SAMM50: variants seen among roughly 807,000 people sequenced by gnomAD.
SAMM50 encodes the protein SAMM50 sorting and assembly machinery component, also known as sorting and assembly machinery component 50 homolog.
In SAMM50, 47 loss-of-function variants were observed where a neutral mutation model predicts 66.9. That is an observed-to-expected ratio of 0.70 (90% CI 0.56 to 0.90). The LOEUF is 0.90. Ranked by LOEUF, SAMM50 falls within the 40% of genes least tolerant of loss-of-function variation. SAMM50 has a pLI of 0.00. For missense variants in SAMM50, 535 were observed against 595.3 expected (o/e 0.90, Z 1.05); for synonymous variants, 191 against 214.1 (o/e 0.89, Z 0.94).
chr22:43,981,551 T>C, intron 11 of SAMM50, 90 bp downstream of exon 11: 3 of 906,078 alleles, frequency 3.3e-6, no homozygotes, highest in Non-Finnish European at 5.4e-6. Context: ...GAGAAGTTTA[T>C]TTAGGAGAGC....
At chr22:43,969,087 A>G (rs1236812011) in intron 4 of SAMM50, among the ~76,000 whole-genome samples, 2 of 152,182 alleles carry the variant, frequency 1.3e-5, no homozygotes, top group Non-Finnish European at 2.9e-5. Context: ...CCTCCTGAGT[A>G]GCTGGGCTTA....
intron 4 of SAMM50, among the ~76,000 whole-genome samples, chr22:43,970,605 T>A (rs1405588253): frequency 6.6e-6 from 1 of 152,102 alleles, no homozygotes; most frequent in East Asian, 1.9e-4. Context: ...TAATAATTGG[T>A]GTATGGGTTT....
chr22:43,964,616 C>A, intron 3 of SAMM50, 63 bp downstream of exon 3: 1 of 898,864 alleles, frequency 1.1e-6, no homozygotes, highest in African/African-American at 1.6e-5. Flanking sequence ...TAAATGTCCC[C>A]ATGTGAAACC....
intron 3 of SAMM50, among the ~76,000 whole-genome samples, chr22:43,967,663 C>T (rs146859650): frequency 4.6e-5 from 7 of 152,216 alleles, no homozygotes; most frequent in Non-Finnish European, 5.9e-5. Context: ...CCGCATTCGT[C>T]TGTGTGATCC....
Position 43,987,257 on chromosome 22 carries a change from G to GC in SAMM50, c.1076-1850dup, listed in dbSNP as rs1178220447. ...ATTGTTAATAATACTATTAATGATA[G>GC]CCCCAAGCTGGAAACTGGAAACCGA... On this transcript the variant is annotated intron_variant, in intron 12 of 14. Coordinates refer to ENST00000350028, the MANE Select transcript of SAMM50 (RefSeq NM_015380.5). 7 of 152,268 alleles carry GC rather than the reference G, an allele frequency of 4.6e-5. No individual in the cohort carries two copies. In the East Asian group the frequency reaches 1.4e-3, roughly 29 times the overall value. 9.4% of individuals were successfully genotyped at this position (152,268 alleles called of 1,614,324 possible).
At chr22:43,984,448 G>A (rs911650121) in intron 12 of SAMM50, among the ~76,000 whole-genome samples, 1 of 151,524 alleles carries the variant, frequency 6.6e-6, no homozygotes, top group Non-Finnish European at 1.5e-5. Context: ...AAGTAGCTGG[G>A]ATTACAGGCA....
chr22:43,976,620 G>A (rs1053102947), intron 8 of SAMM50, 130 bp from the exon 9 acceptor site: 1 of 706,862 alleles, frequency 1.4e-6, no homozygotes, highest in African/African-American at 1.8e-5. Flanking sequence ...TTCCTCCAAG[G>A]GCTCTGTGAA....
At chr22:43,961,608 C>T (rs946595680) in intron 1 of SAMM50, among the ~76,000 whole-genome samples, 5 of 152,116 alleles carry the variant, frequency 3.3e-5, no homozygotes, top group Admixed American at 3.3e-4. Flanking sequence ...CACCACCACA[C>T]CTGGCTAAGT....
At chr22:43,975,818 A>C in intron 7 of SAMM50, 1 of 472,220 alleles carries the variant, frequency 2.1e-6, no homozygotes, top group Non-Finnish European at 3.9e-6. Context: ...CAGTCCTGCT[A>C]CTTAGAGCAG....
At chr22:43,967,957 C>T (rs1029476602) in intron 3 of SAMM50, among the ~76,000 whole-genome samples, 2 of 152,116 alleles carry the variant, frequency 1.3e-5, no homozygotes, top group African/African-American at 4.8e-5. Flanking sequence ...CGTGGTGGCT[C>T]ATGCCTGTAG....
intron 14 of SAMM50, among the ~76,000 whole-genome samples, chr22:43,995,180 C>T (rs985090366): frequency 2.0e-5 from 3 of 152,128 alleles, no homozygotes; most frequent in Middle Eastern, 3.2e-3. Context: ...ACTGCAGTGC[C>T]GGGGCTGGTT....
rs373830089 is a variant in SAMM50, at chr22:43,983,997, G to A, written c.1072G>A (p.Glu358Lys). The A allele has an allele frequency of 5.6e-6, 9 of 1,610,780 alleles. No individual in the cohort carries two copies. The highest frequency in any genetic ancestry group is 4.0e-5 in the African/African-American group (3 of 74,714). Residue 358 changes from glutamate (E) to lysine (K), a missense_variant, in exon 12 of 15, where the codon GAA becomes AAA. Physicochemically the swap from Glu to Lys is moderately conservative, Grantham distance 56. Transcript: ENST00000350028. This position sits in a 1 kb window ranked among gnomAD's most constrained non-coding sequence, Gnocchi z 4.2. ...CATGCACAGCATCGGGCCACAGAGC[G>A]AAGGTCTGTCCTTTCCCCTCACGGC... Reference protein sequence around the residue: ...FSMHSIGPQSEGDYLGGEAYW... With the variant: ...FSMHSIGPQSKGDYLGGEAYW...
At chr22:43,989,978 C>G (rs1245956624) in intron 13 of SAMM50, among the ~76,000 whole-genome samples, 2 of 152,094 alleles carry the variant, frequency 1.3e-5, no homozygotes, top group Non-Finnish European at 2.9e-5. Flanking sequence ...TGGGGCTTCC[C>G]AGGTGGTCAG....
chr22:43,972,873 A>G lies in SAMM50; in HGVS notation c.432A>G (p.Val144=). Residue 144 remains valine (V), a splice_region_variant and synonymous_variant, in exon 6 of 15, where the codon GTA becomes GTG. Transcript: ENST00000350028. ...TMVGNNEGSM[V]LGLKLPNLLG... ...ATTTTTTTTTTTTCCCCTCCTAGGT[A>G]CTTGGCCTCAAGCTTCCTAATCTTC... is the stretch of plus-strand genomic sequence containing the variant. The G allele has an allele frequency of 6.3e-7, 1 of 1,582,638 alleles. No individual in the cohort carries two copies. Among genetic ancestry groups the G allele is most frequent in the Non-Finnish European group, 8.5e-7 (1 of 1,171,708 alleles).
intron 1 of SAMM50, among the ~76,000 whole-genome samples, chr22:43,961,633 G>A (rs565517412): frequency 2.7e-4 from 41 of 152,248 alleles, no homozygotes; most frequent in Non-Finnish European, 2.1e-4. Context: ...TATTTGTTTA[G>A]TAGAGATGGA....
At chr22:43,986,149 T>TCA (rs1470540318) in intron 12 of SAMM50, among the ~76,000 whole-genome samples, 24 of 150,770 alleles carry the variant, frequency 1.6e-4, no homozygotes, top group African/African-American at 5.7e-4. Context: ...TTCAAGTGAT[T>TCA]CTCCTGCCTC....
At position 43,972,993 on chromosome 22, in the gene SAMM50, C is replaced by A. The variant is rs764417280; in HGVS notation, c.552C>A (p.Phe184Leu). The A allele has an allele frequency of 6.3e-7, 1 of 1,588,298 alleles. No individual in the cohort carries two copies. Among genetic ancestry groups the A allele is most frequent in the East Asian group, 2.2e-5 (1 of 44,784 alleles). ...LSFFKPRPGN[F>L]ERNFSVNLYK... is the part of the protein sequence containing the mutation. ...TCTTCAAACCACGGCCCGGAAACTT[C>A]GAAAGAAAGTAGGAAGCCCAACAGA... Residue 184 changes from phenylalanine (F) to leucine (L), a missense_variant, in exon 6 of 15, where the codon TTC becomes TTA. By Grantham distance (22) the Phe-to-Leu change is conservative. Coordinates refer to ENST00000350028, the MANE Select transcript of SAMM50 (RefSeq NM_015380.5).
intron 10 of SAMM50, 130 bp from the exon 11 acceptor site, chr22:43,981,261 C>A (rs1307139559): frequency 1.0e-4 from 70 of 700,882 alleles, no homozygotes; most frequent in Admixed American, 2.1e-5. Context: ...CATTCTCCTG[C>A]GGCCCTTGCA....
rs2050164148 is a variant in SAMM50 at position 43,964,682 on chromosome 22, G to A, written c.234+129G>A. The A allele has an allele frequency of 8.9e-6, 5 of 562,292 alleles. No homozygotes were observed. The South Asian group carries it at 1.2e-4, about 14-fold the overall frequency. 34.8% of individuals were successfully genotyped at this position (562,292 alleles called of 1,614,324 possible). On this transcript the variant is annotated intron_variant, in intron 3 of 14. Transcript: ENST00000350028. ...GGAGATCTGCCTCCTACCCCACAGGGAGCCTTGGCACCCCCAAGCTGAACC... is the reference window on the plus strand; with the variant it reads ...GGAGATCTGCCTCCTACCCCACAGGAAGCCTTGGCACCCCCAAGCTGAACC...
Sources: allele counts gnomAD v4.1 joint callset (sites outside exome capture counted in the v4.1 genomes callset), GRCh38; gene constraint gnomAD v4.1.1; non-coding constraint Gnocchi (gnomAD v3.1); transcripts MANE v1.5; gene names NCBI Gene and HGNC (gene_info 2026-07-23, HGNC 2026-07-21).